Variants in TTC28 observed in about 807,000 individuals in gnomAD.
TTC28 encodes tetratricopeptide repeat domain 28.
In TTC28, 61 loss-of-function variants were observed where a neutral mutation model predicts 198.0. The ratio of observed to expected loss-of-function variants is 0.31; its 90% confidence interval spans 0.25 to 0.38. TTC28 has a LOEUF of 0.38. Among genes scored for constraint, TTC28 ranks in the 10% least tolerant of loss-of-function variants. The pLI is 1.00. For synonymous variants in TTC28, 1,171 were observed against 1,297.8 expected (o/e 0.90, Z 2.10); for missense variants, 2,678 against 3,164.0 (o/e 0.85, Z 3.69).
chr22:28,031,467 C>T (rs1004414586), intron 12 of TTC28, among the ~76,000 whole-genome samples: 3 of 152,320 alleles, frequency 2.0e-5, no homozygotes, highest in East Asian at 1.9e-4. Flanking sequence ...CAGACAGAGT[C>T]GCAAGCCCCT....
At chr22:28,552,985 C>T (rs1040384146) in intron 2 of TTC28, among the ~76,000 whole-genome samples, 21 of 152,196 alleles carry the variant, frequency 1.4e-4, no homozygotes, top group South Asian at 6.2e-4. Context: ...GACGGGGTTT[C>T]GCTGTGTTGG....
chr22:28,274,052 A>G (rs76783296), intron 5 of TTC28, among the ~76,000 whole-genome samples: 2,404 of 152,296 alleles, frequency 0.016, 85 homozygotes, highest in African/African-American at 0.056. Flanking sequence ...AGGTATAGAA[A>G]AGGATATACT....
At chr22:28,556,344 G>A (rs542915979) in intron 2 of TTC28, among the ~76,000 whole-genome samples, 13 of 152,082 alleles carry the variant, frequency 8.5e-5, no homozygotes, top group African/African-American at 2.7e-4. Context: ...GGGCAACACA[G>A]CAAGACCCTG....
Position 28,014,411 on chromosome 22 carries a change from AG to A in TTC28, c.4074-20del. On this transcript the variant is annotated intron_variant, in intron 13 of 22. Transcript: ENST00000397906. ...GCAGCTCCTGGGGAGGGAAGGGCCG[AG>A]GGATCAATCAGGGCCACTCAGACAG... 1.9e-6 allele frequency: 3 copies of A among 1,542,732 alleles called. No homozygotes were observed. The highest frequency in any genetic ancestry group is 2.6e-6 in the Non-Finnish European group (3 of 1,142,522).
At chr22:28,369,850 G>T (rs868782657) in intron 2 of TTC28, among the ~76,000 whole-genome samples, 1 of 152,030 alleles carries the variant, frequency 6.6e-6, no homozygotes, top group Non-Finnish European at 1.5e-5. Flanking sequence ...AGAGTAATAG[G>T]AATATACAGT....
At chr22:28,286,374 C>G (rs1031155308) in intron 5 of TTC28, among the ~76,000 whole-genome samples, 1 of 152,116 alleles carries the variant, frequency 6.6e-6, no homozygotes, top group Non-Finnish European at 1.5e-5. Flanking sequence ...AATATTATCA[C>G]TACATTAAAC....
chr22:28,554,032 A>T (rs1162244340), intron 2 of TTC28, among the ~76,000 whole-genome samples: 11 of 152,092 alleles, frequency 7.2e-5, no homozygotes, highest in Non-Finnish European at 1.6e-4. Flanking sequence ...TGTACTAAGA[A>T]AAATTCTTCT....
intron 2 of TTC28, among the ~76,000 whole-genome samples, chr22:28,421,392 A>G (rs572633224): frequency 6.6e-6 from 1 of 152,330 alleles, no homozygotes; most frequent in African/African-American, 2.4e-5. Context: ...TTCCATTTAT[A>G]TGGTAATTAA....
At chr22:28,120,491 C>G (rs1386352287) in intron 6 of TTC28, among the ~76,000 whole-genome samples, 2 of 152,136 alleles carry the variant, frequency 1.3e-5, no homozygotes, top group Non-Finnish European at 2.9e-5. Context: ...CCCACCACCT[C>G]CCAGCCCAGC....
At chr22:28,318,871 T>A (rs1275332864) in intron 2 of TTC28, among the ~76,000 whole-genome samples, 1 of 132,050 alleles carries the variant, frequency 7.6e-6, no homozygotes, top group Non-Finnish European at 1.5e-5. Flanking sequence ...CAGGCTGGAG[T>A]ACAGTGGTGT....
intron 2 of TTC28, among the ~76,000 whole-genome samples, chr22:28,493,253 GGCTGAGGTAAGAGAATT>G (rs1463489581): frequency 6.6e-6 from 1 of 152,088 alleles, no homozygotes; most frequent in Non-Finnish European, 1.5e-5. Context: ...CTACTCGGTA[GGCTGAGGTAAGAGAATT>G]GCTTGAACCC....
intron 6 of TTC28, among the ~76,000 whole-genome samples, chr22:28,133,704 G>A (rs1322877406): frequency 6.6e-6 from 1 of 152,248 alleles, no homozygotes; most frequent in Non-Finnish European, 1.5e-5. Flanking sequence ...GGTAAACAAA[G>A]TGGCTGGGAA....
intron 5 of TTC28, among the ~76,000 whole-genome samples, chr22:28,203,192 T>C (rs150880073): frequency 5.9e-5 from 9 of 152,184 alleles, no homozygotes; most frequent in Middle Eastern, 6.8e-3. Flanking sequence ...AGTCAGAAAT[T>C]GTGGCTTTTT....
rs754859490 is a variant in TTC28, at chr22:27,983,530, C to A, written c.6137G>T (p.Arg2046Leu). Residue 2046 changes from arginine to leucine, a missense_variant, in exon 23 of 23, where the codon CGC becomes CTC. This residue lies in a region of TTC28 where 622 missense variants were observed against 656.0 expected (regional missense o/e 0.95). Coordinates refer to ENST00000397906, the MANE Select transcript of TTC28 (RefSeq NM_001145418.2). ...LPRSQLPPQT[R>L]PAGNKDEEEY... Reference sequence around the variant, plus strand: ...TTCTTCATCTTTGTTGCCTGCAGGGCGGGTCTGGGGAGGCAGCTGGCTCCT... The same window carrying A: ...TTCTTCATCTTTGTTGCCTGCAGGGAGGGTCTGGGGAGGCAGCTGGCTCCT... The A allele has an allele frequency of 1.9e-6, 3 of 1,550,888 alleles. No individual in the cohort carries two copies. The highest frequency in any genetic ancestry group is 1.7e-6 in the Non-Finnish European group (2 of 1,146,786).
chr22:27,996,016 G>T, intron 17 of TTC28, 119 bp downstream of exon 17: 1 of 1,409,158 alleles, frequency 7.1e-7, no homozygotes, highest in Non-Finnish European at 9.4e-7. Flanking sequence ...TCCTGGACAC[G>T]GCCCCAATCA....
Position 28,364,585 on chromosome 22 carries a change from A to ATGAT in TTC28, c.382-57946_382-57943dup, listed in dbSNP as rs548497736. On this transcript the variant is annotated intron_variant, in intron 2 of 22. Coordinates refer to ENST00000397906, the MANE Select transcript of TTC28 (RefSeq NM_001145418.2). Reference sequence around the variant, plus strand: ...ATTCTAGATGTTATTAGAAACATTCATGATTCCTAGGAGGAGGTCAAAATA... The same window carrying ATGAT: ...ATTCTAGATGTTATTAGAAACATTCATGATTGATTCCTAGGAGGAGGTCAAAATA... 5.8e-3 allele frequency among the ~76,000 whole-genome samples: 882 copies of ATGAT among 152,300 alleles called. 10 individuals are homozygous for ATGAT. The highest frequency in any genetic ancestry group is 0.021 in the African/African-American group (857 of 41,562).
chr22:28,234,969 T>G (rs1416932028), intron 5 of TTC28, among the ~76,000 whole-genome samples: 4 of 152,208 alleles, frequency 2.6e-5, no homozygotes, highest in Non-Finnish European at 5.9e-5. Context: ...TTTATGTTAT[T>G]GCCAAGGAAG....
intron 2 of TTC28, among the ~76,000 whole-genome samples, chr22:28,591,406 A>T (rs995362904): frequency 2.0e-5 from 3 of 152,082 alleles, no homozygotes; most frequent in African/African-American, 7.2e-5. Context: ...AACTGTTTTT[A>T]TAAAGAATCT....
chr22:28,324,056 A>G (rs950311139), intron 2 of TTC28, among the ~76,000 whole-genome samples: 2 of 152,228 alleles, frequency 1.3e-5, no homozygotes, highest in African/African-American at 4.8e-5. Flanking sequence ...TGACCTTCCC[A>G]GACAAACAAA....
Sources: allele counts gnomAD v4.1 joint callset (sites outside exome capture counted in the v4.1 genomes callset), GRCh38; gene constraint gnomAD v4.1.1; regional missense constraint gnomAD v4.1.1; transcripts MANE v1.5; gene names NCBI Gene and HGNC (gene_info 2026-07-23, HGNC 2026-07-21).